Variants in CTNNA3 observed in about 807,000 individuals in gnomAD.
CTNNA3 encodes catenin alpha 3, also known as catenin alpha-3.
In CTNNA3, 76 loss-of-function variants were observed where a neutral mutation model predicts 95.7. The ratio of observed to expected loss-of-function variants is 0.79; its 90% CI spans 0.66 to 0.96. The LOEUF (loss-of-function observed/expected upper bound fraction) is 0.96. CTNNA3 is among the 40% of genes least tolerant of loss of function. CTNNA3 has a pLI of 0.00. For synonymous variants in CTNNA3, 431 were observed against 374.4 expected, an observed-to-expected ratio of 1.15 and a Z score of -1.74; for missense variants, 1,191 against 1,089.8, an observed-to-expected ratio of 1.09 and a Z score of -1.31.
rs372556735 is a variant in CTNNA3, at chr10:66,329,640, C to T, written c.1733-49019G>A. ...TGTCAAAATAAAATGAAAGAATGAA[C>T]GAACAGTTGAACAATGGGCGAATGA... On this transcript the variant is annotated intron_variant, in intron 12 of 17. Coordinates refer to ENST00000433211, the MANE Select transcript of CTNNA3 (RefSeq NM_013266.4). Among the ~76,000 whole-genome samples, 71 of 151,134 alleles carry T rather than the reference C, an allele frequency of 4.7e-4. 1 individual carries two copies. The South Asian group carries it at 0.014, about 30-fold the overall frequency.
intron 5 of CTNNA3, among the ~76,000 whole-genome samples, chr10:67,234,738 T>C (rs1167342660): frequency 1.4e-4 from 21 of 152,226 alleles, no homozygotes; most frequent in African/African-American, 4.8e-4. Context: ...TGTTTGCAGA[T>C]GACATGATTG....
At chr10:66,490,726 A>C (rs1297343101) in intron 11 of CTNNA3, among the ~76,000 whole-genome samples, 1 of 152,126 alleles carries the variant, frequency 6.6e-6, no homozygotes, top group Non-Finnish European at 1.5e-5. Context: ...AATGCAGCCA[A>C]AATAGCAATT....
At chr10:67,056,934 G>A (rs974671028) in intron 7 of CTNNA3, among the ~76,000 whole-genome samples, 3 of 152,044 alleles carry the variant, frequency 2.0e-5, no homozygotes, top group African/African-American at 7.2e-5. Flanking sequence ...CATGCTCCTG[G>A]GTGCAAAAGA....
At chr10:66,745,152 G>A (rs1233973729) in intron 9 of CTNNA3, among the ~76,000 whole-genome samples, 1 of 152,156 alleles carries the variant, frequency 6.6e-6, no homozygotes, top group Non-Finnish European at 1.5e-5. Context: ...GTCAAACAAG[G>A]TCTGGAGCTC....
chr10:67,278,357 T>C (rs1293101345), intron 5 of CTNNA3, among the ~76,000 whole-genome samples: 1 of 152,184 alleles, frequency 6.6e-6, no homozygotes, highest in Non-Finnish European at 1.5e-5. Flanking sequence ...AGCTTGGTTT[T>C]ATATATTTTG....
At chr10:66,961,674 C>T (rs1025074466) in intron 7 of CTNNA3, among the ~76,000 whole-genome samples, 25 of 152,118 alleles carry the variant, frequency 1.6e-4, no homozygotes, top group African/African-American at 6.0e-4. Flanking sequence ...GATCTCTCCC[C>T]TGAATTCTAG....
At position 66,923,584 on chromosome 10, in the gene CTNNA3, G is replaced by A. The variant is rs1052531915; in HGVS notation, c.1048-148060C>T. On this transcript the variant is annotated intron_variant, in intron 7 of 17. Transcript: ENST00000433211. ...GGGTTCAGTATTACCCTTCTGTGCTGTGCAAAGGAGAATAGTCAAAAGCAT... is the reference window on the plus strand; with the variant it reads ...GGGTTCAGTATTACCCTTCTGTGCTATGCAAAGGAGAATAGTCAAAAGCAT... 6.6e-5 allele frequency among the ~76,000 whole-genome samples: 10 copies of A among 152,320 alleles called. No individual in the cohort carries two copies. In the East Asian group the frequency reaches 1.9e-3, roughly 29 times the overall value.
At chr10:66,478,771 T>A (rs975458964) in intron 11 of CTNNA3, among the ~76,000 whole-genome samples, 6 of 151,826 alleles carry the variant, frequency 4.0e-5, no homozygotes, top group Admixed American at 3.3e-4. Flanking sequence ...TCACCCAACA[T>A]CCACTGGCCC....
chr10:66,850,661 C>T (rs898891241), intron 7 of CTNNA3, among the ~76,000 whole-genome samples: 3 of 151,592 alleles, frequency 2.0e-5, no homozygotes, highest in Non-Finnish European at 4.4e-5. Flanking sequence ...ATAAGACAAC[C>T]ATTTTTTTTC....
At chr10:66,371,869 C>T (rs2092757122) in intron 12 of CTNNA3, among the ~76,000 whole-genome samples, 1 of 152,146 alleles carries the variant, frequency 6.6e-6, no homozygotes, top group Non-Finnish European at 1.5e-5. Flanking sequence ...GCTTCTGGCA[C>T]TGGAAGTTGA....
At chr10:67,728,404 A>G (rs1841256481) in intron 1 of CTNNA3, among the ~76,000 whole-genome samples, 1 of 149,574 alleles carries the variant, frequency 6.7e-6, no homozygotes, top group African/African-American at 2.4e-5. Flanking sequence ...ATATATATAC[A>G]TAATATATAC....
intron 12 of CTNNA3, among the ~76,000 whole-genome samples, chr10:66,361,097 C>T (rs4369299): frequency 0.16 from 24,674 of 150,584 alleles, 2,111 homozygotes; most frequent in Middle Eastern, 0.21. Flanking sequence ...GCTAGGACTG[C>T]AGGCATGCAC....
intron 7 of CTNNA3, among the ~76,000 whole-genome samples, chr10:66,866,288 T>A (rs1029414709): frequency 6.6e-6 from 1 of 152,240 alleles, no homozygotes; most frequent in Non-Finnish European, 1.5e-5. Flanking sequence ...GTGTTTTCAA[T>A]GATCTGCTTT....
intron 5 of CTNNA3, among the ~76,000 whole-genome samples, chr10:67,370,432 T>A (rs1843381503): frequency 6.6e-6 from 1 of 152,208 alleles, no homozygotes; most frequent in Non-Finnish European, 1.5e-5. Context: ...AAATCTGAAG[T>A]ATTTTTCTAA....
chr10:66,539,755 A>AT (rs1405612628), intron 10 of CTNNA3, among the ~76,000 whole-genome samples: 3 of 152,042 alleles, frequency 2.0e-5, no homozygotes, highest in Admixed American at 6.5e-5. Context: ...GAGATTTTAA[A>AT]TTTTTTCCTT....
chr10:67,726,439 A>AATATATAATATTATATATG (rs1554879500), intron 1 of CTNNA3, among the ~76,000 whole-genome samples: 17 of 53,172 alleles, frequency 3.2e-4, no homozygotes, highest in Admixed American at 9.7e-4. Context: ...TATCATATAT[A>AATATATAATATTATATATG]ATATATAATA....
intron 7 of CTNNA3, among the ~76,000 whole-genome samples, chr10:66,854,813 C>A (rs1308955811): frequency 6.6e-6 from 1 of 151,078 alleles, no homozygotes; most frequent in Non-Finnish European, 1.5e-5. Flanking sequence ...AGAGACATAG[C>A]ATGAGAACAC....
At chr10:66,775,737 T>C (rs1840270370) in intron 7 of CTNNA3, among the ~76,000 whole-genome samples, 1 of 152,190 alleles carries the variant, frequency 6.6e-6, no homozygotes, top group African/African-American at 2.4e-5. Flanking sequence ...TTCTGTAATA[T>C]TTCCGATACG....
intron 3 of CTNNA3, among the ~76,000 whole-genome samples, chr10:67,572,299 T>C (rs933809135): frequency 4.6e-5 from 7 of 152,168 alleles, no homozygotes; most frequent in Admixed American, 4.6e-4. Context: ...TACTGGAAAG[T>C]GCTGAGCTAA....
Sources: gnomAD v4.1 joint callset for allele counts (sites outside exome capture counted in the v4.1 genomes callset) on GRCh38, gnomAD v4.1.1 for gene constraint, MANE v1.5 for transcripts, NCBI Gene and HGNC (gene_info 2026-07-23, HGNC 2026-07-21) for gene names.